DAB1: variants seen among roughly 807,000 people sequenced by gnomAD.
DAB1 encodes DAB adaptor protein 1, also known as disabled homolog 1.
DAB1 carries 15 observed loss-of-function variants against 64.6 expected under a neutral mutation model. That is an observed-to-expected ratio of 0.23 (90% CI 0.16 to 0.36). The LOEUF is 0.36. DAB1 is among the 10% of genes least tolerant of loss of function. DAB1 has a pLI of 1.00. For missense variants in DAB1, 596 were observed against 706.7 expected (o/e 0.84, Z 1.78); for synonymous variants, 235 against 251.9 (o/e 0.93, Z 0.64).
rs368523099 is a variant in DAB1 at position 57,262,652 on chromosome 1, C to A, written c.67+28312G>T. Among the ~76,000 whole-genome samples, 91 of 152,334 alleles carry A rather than the reference C, an allele frequency of 6.0e-4. 1 individual carries two copies. In the South Asian group the frequency reaches 0.016, roughly 27 times the overall value. On this transcript the variant is annotated intron_variant, in intron 2 of 14. Transcript: ENST00000371236. Reference sequence around the variant, plus strand: ...AATTCATTTGAATTTGTAAGAGACTCATTTGCATCCAGACTGATCACTGGT... The same window carrying A: ...AATTCATTTGAATTTGTAAGAGACTAATTTGCATCCAGACTGATCACTGGT...
intron 3 of DAB1, chr1:58,343,440 A>T (rs1557735817): frequency 6.6e-6 from 1 of 152,288 alleles, no homozygotes; most frequent in Non-Finnish European, 1.5e-5. Flanking sequence ...GGAGTCACAG[A>T]TCTGAAGAGT....
chr1:57,602,182 T>C (rs1369094393), intron 7 of DAB1, among the ~76,000 whole-genome samples: 1 of 152,200 alleles, frequency 6.6e-6, no homozygotes, highest in African/African-American at 2.4e-5. Context: ...ATAAATCTCC[T>C]AATCTGTGCT....
chr1:57,194,605 T>C (rs187657196), intron 2 of DAB1, among the ~76,000 whole-genome samples: 2 of 152,292 alleles, frequency 1.3e-5, no homozygotes, highest in African/African-American at 4.8e-5. Flanking sequence ...CAAAATCCAT[T>C]AACACCTGAG....
At chr1:58,198,428 G>T (rs1657811867) in intron 4 of DAB1, among the ~76,000 whole-genome samples, 1 of 152,196 alleles carries the variant, frequency 6.6e-6, no homozygotes, top group African/African-American at 2.4e-5. Context: ...CAGATTCATT[G>T]TGGATAGGCT....
chr1:58,477,259 G>C (rs970051998), intron 3 of DAB1, among the ~76,000 whole-genome samples: 1 of 152,042 alleles, frequency 6.6e-6, no homozygotes. Context: ...CCTTGTAAAC[G>C]CTAAAGCAAA....
chr1:57,228,820 T>C (rs922632437), intron 2 of DAB1, among the ~76,000 whole-genome samples: 3 of 152,200 alleles, frequency 2.0e-5, no homozygotes, highest in Non-Finnish European at 4.4e-5. Flanking sequence ...GTAAACTACC[T>C]AAAGTCTCGT....
At chr1:57,146,744 T>C (rs1376641250) in intron 2 of DAB1, among the ~76,000 whole-genome samples, 1 of 152,202 alleles carries the variant, frequency 6.6e-6, no homozygotes, top group Non-Finnish European at 1.5e-5. Context: ...AGACAATATC[T>C]GTGCCCTTAG....
intron 1 of DAB1, among the ~76,000 whole-genome samples, chr1:57,881,647 TATC>T (rs1233429059): frequency 1.3e-5 from 2 of 152,154 alleles, no homozygotes; most frequent in African/African-American, 4.8e-5. Context: ...ACTCAACAAA[TATC>T]AGCCCCTTTC....
intron 5 of DAB1, among the ~76,000 whole-genome samples, chr1:57,979,109 C>T (rs1033747160): frequency 6.6e-6 from 1 of 152,152 alleles, no homozygotes; most frequent in Admixed American, 6.6e-5. Flanking sequence ...AAGACACATG[C>T]ACACATATGT....
chr1:57,884,501 G>A (rs1366822792), upstream of DAB1, among the ~76,000 whole-genome samples: 1 of 152,158 alleles, frequency 6.6e-6, no homozygotes, highest in Non-Finnish European at 1.5e-5. Flanking sequence ...GGTACAAATT[G>A]TATATTTTTC....
chr1:57,782,021 G>A (rs571041833), intron 6 of DAB1, among the ~76,000 whole-genome samples: 1 of 152,050 alleles, frequency 6.6e-6, no homozygotes, highest in Non-Finnish European at 1.5e-5. Flanking sequence ...TTCTACACAC[G>A]GCAAAGCAAT....
chr1:58,495,964 T>C (rs1487839971), intron 3 of DAB1, among the ~76,000 whole-genome samples: 2 of 152,202 alleles, frequency 1.3e-5, no homozygotes, highest in Non-Finnish European at 2.9e-5. Context: ...AGTTTAAATA[T>C]CTAAGCTTGT....
Position 58,445,902 on chromosome 1 carries a change from G to A in DAB1, n.257+60158C>T, listed in dbSNP as rs113797323. 5.9e-3 allele frequency among the ~76,000 whole-genome samples: 897 copies of A among 152,246 alleles called. 6 individuals carry two copies. Among genetic ancestry groups the A allele is most frequent in the African/African-American group, 0.02 (842 of 41,546 alleles). ...AAGCAACCCCAGAGAACAGGTCTCC[G>A]GCCTGGCAGAGTTCTCTCTGCCATA... On this transcript the variant is annotated intron_variant and non_coding_transcript_variant, in intron 3 of 20. Coordinates refer to the DAB1 transcript ENST00000485760.
intron 2 of DAB1, among the ~76,000 whole-genome samples, chr1:57,214,687 G>A (rs1484844191): frequency 6.6e-6 from 1 of 151,974 alleles, no homozygotes; most frequent in African/African-American, 2.4e-5. Context: ...AAGGTGGGTG[G>A]ATCACAAGGT....
At chr1:57,313,078 G>A (rs750106333) in intron 1 of DAB1, among the ~76,000 whole-genome samples, 4 of 152,156 alleles carry the variant, frequency 2.6e-5, no homozygotes, top group Non-Finnish European at 4.4e-5. Context: ...AGCAGATGGG[G>A]TGCTAAAATT....
intron 7 of DAB1, among the ~76,000 whole-genome samples, chr1:57,616,955 C>G (rs181539890): frequency 6.6e-6 from 1 of 152,100 alleles, no homozygotes; most frequent in Non-Finnish European, 1.5e-5. Context: ...CCTGAGGGTA[C>G]GCAAAGGAAT....
chr1:57,145,071 A>G (rs1658983048), intron 3 of DAB1, among the ~76,000 whole-genome samples: 1 of 152,258 alleles, frequency 6.6e-6, no homozygotes, highest in Non-Finnish European at 1.5e-5. Flanking sequence ...CAAAAATTGT[A>G]AACCTGGGCC....
At chr1:57,482,477 T>TAAAAAAAAAAAAAA (rs918167439) in intron 7 of DAB1, among the ~76,000 whole-genome samples, 2 of 61,200 alleles carry the variant, frequency 3.3e-5, no homozygotes, top group Non-Finnish European at 6.9e-5. Flanking sequence ...CTGAAAGTTG[T>TAAAAAAAAAAAAAA]AAAAAAAAAA....
At chr1:58,120,692 TAA>T (rs1185827369) in intron 5 of DAB1, among the ~76,000 whole-genome samples, 2 of 152,110 alleles carry the variant, frequency 1.3e-5, no homozygotes, top group Middle Eastern at 3.2e-3. Context: ...AATTCCTAAC[TAA>T]GAATGACAGA....
Sources: gnomAD v4.1 joint callset for allele counts (sites outside exome capture counted in the v4.1 genomes callset) on GRCh38, gnomAD v4.1.1 for gene constraint, MANE v1.5 for transcripts, NCBI Gene and HGNC (gene_info 2026-07-23, HGNC 2026-07-21) for gene names.